EXOC5: variants seen among roughly 807,000 people sequenced by gnomAD.
EXOC5 encodes SEC10-like 1.
In EXOC5, 17 loss-of-function variants were observed where a neutral mutation model predicts 90.8. That is an observed-to-expected ratio of 0.19 (90% CI 0.13 to 0.28). EXOC5 has a LOEUF of 0.28. EXOC5 is among the 10% of genes least tolerant of loss of function. The probability of loss-of-function intolerance (pLI) is 1.00; values close to 1 mark genes in which losing one functional copy is unlikely to be tolerated. For missense variants in EXOC5, 569 were observed against 830.6 expected, an observed-to-expected ratio of 0.69 and a Z score of 3.87; for synonymous variants, 260 against 270.0, an observed-to-expected ratio of 0.96 and a Z score of 0.36.
chr14:57,257,742 C>T (rs1242115977), intron 1 of EXOC5, among the ~76,000 whole-genome samples: 1 of 151,978 alleles, frequency 6.6e-6, no homozygotes, highest in East Asian at 1.9e-4. Flanking sequence ...AATCCTAATG[C>T]CTTGCTTTCT....
chr14:57,245,914 G>A (rs1884019214), intron 3 of EXOC5, among the ~76,000 whole-genome samples: 1 of 152,074 alleles, frequency 6.6e-6, no homozygotes, highest in Admixed American at 6.6e-5. Flanking sequence ...GCTGGGTGTG[G>A]TAGCATGTGC....
chr14:57,242,825 G>C (rs1883910829), intron 4 of EXOC5, among the ~76,000 whole-genome samples: 1 of 152,188 alleles, frequency 6.6e-6, no homozygotes, highest in Non-Finnish European at 1.5e-5. Flanking sequence ...TAATTCAACT[G>C]CAAAGATATG....
At chr14:57,260,892 C>G (rs906152874) in intron 1 of EXOC5, among the ~76,000 whole-genome samples, 2 of 152,118 alleles carry the variant, frequency 1.3e-5, no homozygotes, top group Non-Finnish European at 2.9e-5. Flanking sequence ...ATTAGCATTT[C>G]AAATCAAATT....
chr14:57,239,942 T>C (rs1883806860), intron 4 of EXOC5, among the ~76,000 whole-genome samples: 1 of 152,130 alleles, frequency 6.6e-6, no homozygotes, highest in Non-Finnish European at 1.5e-5. Context: ...AACCTGTAGT[T>C]CAAGTTTATT....
At chr14:57,247,234 G>A (rs1884057879) in intron 2 of EXOC5, among the ~76,000 whole-genome samples, 1 of 152,028 alleles carries the variant, frequency 6.6e-6, no homozygotes. Flanking sequence ...AGTCAAGAAG[G>A]CAAATGTACT....
In EXOC5 at chr14:57,210,028, A is replaced by G. The variant is rs1882777748; in HGVS notation, c.1647T>C (p.His549=). 6.3e-7 allele frequency: 1 copy of G among 1,596,576 alleles called. No individual in the cohort carries two copies. The highest frequency in any genetic ancestry group is 8.6e-7 in the Non-Finnish European group (1 of 1,166,484). ...TLNCMIGQMK[H]ILAAEQKKTD... The stretch of plus-strand genomic sequence containing the variant: ...TTTTCTTCTGTTCTGCAGCCAAAAT[A>G]TGCTTCATCTGTCCAATCATACAAT... Residue 549 remains histidine (H), a synonymous_variant, in exon 16 of 18, where the codon CAT becomes CAC. Coordinates refer to ENST00000621441, the MANE Select transcript of EXOC5 (RefSeq NM_006544.4).
At position 57,209,015 on chromosome 14, in the gene EXOC5, T is replaced by G. The variant is rs115424936; in HGVS notation, c.1939-218A>C. Among the ~76,000 whole-genome samples, 1,205 of 152,298 alleles carry G rather than the reference T, an allele frequency of 7.9e-3. 19 individuals carry two copies. The highest frequency in any genetic ancestry group is 0.027 in the African/African-American group (1,119 of 41,544). ...TTCAAAAAGATTCATGTGTCAATTC[T>G]CTTCAATAGTAACAATCATATATAC... is the stretch of plus-strand genomic sequence containing the variant. On this transcript the variant is annotated intron_variant, in intron 17 of 17. Coordinates refer to ENST00000621441, the MANE Select transcript of EXOC5 (RefSeq NM_006544.4).
chr14:57,220,446 A>C (rs1278052183), intron 13 of EXOC5, among the ~76,000 whole-genome samples: 1 of 152,168 alleles, frequency 6.6e-6, no homozygotes, highest in African/African-American at 2.4e-5. Flanking sequence ...ATTTTTAAAG[A>C]ATATTCAATA....
At position 57,232,701 on chromosome 14, in the gene EXOC5, G is replaced by T; in HGVS notation, c.904C>A (p.Gln302Lys). 6.5e-7 allele frequency: 1 copy of T among 1,540,050 alleles called. No homozygotes were observed. The highest frequency in any genetic ancestry group is 8.9e-7 in the Non-Finnish European group (1 of 1,126,374). ...LEECRKSDAEQYLKNLYDLYT... is the reference protein window; with the variant it reads ...LEECRKSDAEKYLKNLYDLYT... ...AGATCATAGAGATTTTTGAGATATT[G>T]CTCTGCATCGGACTTCCTACATTCT... Residue 302 changes from glutamine to lysine, a missense_variant, in exon 10 of 18, where the codon CAA (glutamine) becomes AAA (lysine). Transcript: ENST00000621441.
chr14:57,217,943 T>C lies in EXOC5; in HGVS notation c.1613+39A>G, dbSNP rs746086920. 87 of 1,015,104 alleles carry C rather than the reference T, an allele frequency of 8.6e-5. 2 individuals carry two copies. In the East Asian group the frequency reaches 1.8e-3, roughly 21 times the overall value. 62.9% of individuals were successfully genotyped at this position (1,015,104 alleles called of 1,614,324 possible). ...ATGCTGCTATAATATGGTGTTTTTA[T>C]AATTTAAAAAAATGCAAGAGACAAA... is the stretch of plus-strand genomic sequence containing the variant. On this transcript the variant is annotated intron_variant, in intron 15 of 17. Transcript: ENST00000621441.
intron 12 of EXOC5, among the ~76,000 whole-genome samples, chr14:57,222,742 T>C (rs1191053846): frequency 1.4e-5 from 2 of 145,860 alleles, no homozygotes. Flanking sequence ...CACACACATA[T>C]ATATATACAC....
At chr14:57,230,446 A>C (rs7342541) in intron 11 of EXOC5, among the ~76,000 whole-genome samples, 5,915 of 148,176 alleles carry the variant, frequency 0.04, 405 homozygotes, top group African/African-American at 0.14. Flanking sequence ...CACACACACA[A>C]ACACACACAC....
intron 5 of EXOC5, 99 bp from the exon 6 acceptor site, chr14:57,237,465 C>T (rs752506064): frequency 1.4e-5 from 10 of 710,352 alleles, no homozygotes; most frequent in Admixed American, 7.9e-5. Context: ...GCAGGAGATA[C>T]GAGAACCATC....
intron 12 of EXOC5, among the ~76,000 whole-genome samples, chr14:57,225,181 A>G (rs1883267419): frequency 6.6e-6 from 1 of 152,260 alleles, no homozygotes; most frequent in Non-Finnish European, 1.5e-5. Flanking sequence ...ATTGATGACC[A>G]ACTGGAGTTT....
At chr14:57,210,191 G>C in intron 15 of EXOC5, 130 bp from the exon 16 acceptor site, 1 of 536,644 alleles carries the variant, frequency 1.9e-6, no homozygotes, top group Non-Finnish European at 3.3e-6. Context: ...TTTACTATTG[G>C]TAAACTTTAG....
intron 12 of EXOC5, among the ~76,000 whole-genome samples, chr14:57,228,821 G>C (rs1883392537): frequency 6.8e-6 from 1 of 146,204 alleles, no homozygotes; most frequent in Non-Finnish European, 1.5e-5. Context: ...AAACCTGCAT[G>C]CTCTGCACAC....
At chr14:57,262,717 G>A (rs369019826) in intron 1 of EXOC5, among the ~76,000 whole-genome samples, 1 of 145,984 alleles carries the variant, frequency 6.9e-6, no homozygotes, top group Non-Finnish European at 1.5e-5. Flanking sequence ...GTATATATAT[G>A]TGTGTGTATA....
rs1883962828 is a variant in EXOC5 at position 57,244,190 on chromosome 14, G to C, written c.440C>G (p.Ser147Cys). The change falls in exon 4 of 18, where the codon TCT becomes TGT. Residue 147 changes from serine to cysteine, a missense_variant. Around this residue, in one of 9 missense-constraint regions of EXOC5, gnomAD observed 97 missense variants for 177.9 expected, o/e 0.55. Coordinates refer to ENST00000621441, the MANE Select transcript of EXOC5 (RefSeq NM_006544.4). ...FNEFLDGELK[S>C]DVFTNSEKIK... ...CTTTTCAGAATTTGTAAAAACATCAGATTTCAATTCTCCATCTAGAAACTC... is the reference window on the plus strand; with the variant it reads ...CTTTTCAGAATTTGTAAAAACATCACATTTCAATTCTCCATCTAGAAACTC... 2 of 1,613,400 alleles carry C rather than the reference G, an allele frequency of 1.2e-6. No individual in the cohort carries two copies. The highest frequency in any genetic ancestry group is 1.7e-6 in the Non-Finnish European group (2 of 1,179,460).
chr14:57,259,450 C>T (rs1884437959), intron 1 of EXOC5, among the ~76,000 whole-genome samples: 1 of 152,126 alleles, frequency 6.6e-6, no homozygotes, highest in Admixed American at 6.5e-5. Flanking sequence ...GTACCACCTA[C>T]CCAAATTTCT....
Sources: allele counts gnomAD v4.1 joint callset (sites outside exome capture counted in the v4.1 genomes callset), GRCh38; gene constraint gnomAD v4.1.1; regional missense constraint gnomAD v4.1.1; transcripts MANE v1.5; gene names NCBI Gene and HGNC (gene_info 2026-07-23, HGNC 2026-07-21).